The following GPM6A variants were observed in gnomAD, a reference collection of about 807,000 sequenced individuals.
GPM6A encodes glycoprotein M6A, also known as neuronal membrane glycoprotein M6-a.
In GPM6A, 7 loss-of-function variants were observed where a neutral mutation model predicts 32.1. That is an observed-to-expected ratio of 0.22 (90% CI 0.12 to 0.41). The LOEUF is 0.41. Ranked by LOEUF, GPM6A falls within the 10% of genes least tolerant of loss-of-function variation. The probability of loss-of-function intolerance (pLI) is 1.00; values close to 1 mark genes in which losing one functional copy is unlikely to be tolerated. For missense variants in GPM6A, 235 were observed against 347.2 expected, an observed-to-expected ratio of 0.68 and a Z score of 2.57; for synonymous variants, 130 against 123.4, an observed-to-expected ratio of 1.05 and a Z score of -0.35.
At chr4:175,647,124 T>G (rs1223094320) in intron 4 of GPM6A, among the ~76,000 whole-genome samples, 1 of 152,252 alleles carries the variant, frequency 6.6e-6, no homozygotes, top group Non-Finnish European at 1.5e-5. Context: ...AAAAACAAGC[T>G]GCTCTCGCTA....
At position 175,852,279 on chromosome 4, in the gene GPM6A, G is replaced by GA. The variant is rs145123904; in HGVS notation, c.-22-40031dup. 5.1e-4 allele frequency among the ~76,000 whole-genome samples: 77 copies of GA among 149,660 alleles called. 1 individual carries two copies. Among genetic ancestry groups the GA allele is most frequent in the Admixed American group, 9.3e-4 (14 of 15,086 alleles). On this transcript the variant is annotated intron_variant, in intron 1 of 7. Transcript: ENST00000280187. ...AAAATATTGAGAGTAAAGAGAATAA[G>GA]AAAAAAAAAGGAAATTTTGGAAGGC...
intron 1 of GPM6A, among the ~76,000 whole-genome samples, chr4:175,778,126 T>G (rs931350086): frequency 7.2e-5 from 11 of 152,164 alleles, no homozygotes; most frequent in African/African-American, 2.4e-4. Context: ...GAGTAGAACT[T>G]GAAGACCACT....
intron 1 of GPM6A, among the ~76,000 whole-genome samples, chr4:175,732,310 C>CAT (rs1731469243): frequency 6.6e-6 from 1 of 152,128 alleles, no homozygotes; most frequent in East Asian, 1.9e-4. Flanking sequence ...CAGTAGCACA[C>CAT]ATTTTTCTGA....
At chr4:175,670,016 A>AT (rs56677237) in intron 3 of GPM6A, among the ~76,000 whole-genome samples, 31 of 151,940 alleles carry the variant, frequency 2.0e-4, no homozygotes, top group Non-Finnish European at 8.8e-5. Context: ...AAAAAAAAAA[A>AT]TCAACCCGGT....
intron 1 of GPM6A, among the ~76,000 whole-genome samples, chr4:175,752,349 A>G (rs529492631): frequency 3.3e-5 from 5 of 152,246 alleles, no homozygotes; most frequent in African/African-American, 9.6e-5. Context: ...GGTGGACAGC[A>G]CACTAAACAG....
At chr4:175,981,011 T>A (rs892295307) in intron 1 of GPM6A, among the ~76,000 whole-genome samples, 2 of 152,300 alleles carry the variant, frequency 1.3e-5, no homozygotes, top group Admixed American at 1.3e-4. Context: ...GTACATTGTA[T>A]GAAACTGAAG....
intron 1 of GPM6A, among the ~76,000 whole-genome samples, chr4:175,908,530 A>T (rs1738202642): frequency 6.6e-6 from 1 of 151,354 alleles, no homozygotes; most frequent in Non-Finnish European, 1.5e-5. Context: ...TTCCAAAGTT[A>T]AAAAAAAAGA....
At chr4:175,725,322 T>G in intron 1 of GPM6A, among the ~76,000 whole-genome samples, 1 of 150,792 alleles carries the variant, frequency 6.6e-6, no homozygotes, top group East Asian at 1.9e-4. Flanking sequence ...AACAGAGTCT[T>G]GCTCTGTCAC....
intron 1 of GPM6A, among the ~76,000 whole-genome samples, chr4:175,959,743 T>C (rs531034096): frequency 6.6e-6 from 1 of 152,164 alleles, no homozygotes; most frequent in Non-Finnish European, 1.5e-5. Context: ...ATGAAATTAG[T>C]AGAGTGAAAG....
chr4:175,992,163 A>G (rs1741170664), intron 1 of GPM6A, among the ~76,000 whole-genome samples: 1 of 152,110 alleles, frequency 6.6e-6, no homozygotes. Context: ...GTTAAAATTT[A>G]TCAACTAGTT....
intron 1 of GPM6A, among the ~76,000 whole-genome samples, chr4:175,858,650 T>C (rs1406732343): frequency 2.0e-5 from 3 of 152,090 alleles, no homozygotes; most frequent in African/African-American, 7.2e-5. Flanking sequence ...AAAGAAACTT[T>C]GGAAAACATT....
At chr4:175,880,537 T>C (rs924853528) in intron 1 of GPM6A, among the ~76,000 whole-genome samples, 1 of 152,206 alleles carries the variant, frequency 6.6e-6, no homozygotes, top group African/African-American at 2.4e-5. Flanking sequence ...TGTTCTTCCA[T>C]TTGTTTGTGT....
At chr4:175,699,538 C>A (rs938748446) in intron 2 of GPM6A, among the ~76,000 whole-genome samples, 1 of 152,094 alleles carries the variant, frequency 6.6e-6, no homozygotes, top group South Asian at 2.1e-4. Flanking sequence ...TTTGTCATGA[C>A]CTTAGCGAAG....
chr4:175,897,095 G>A (rs1010356265), intron 1 of GPM6A, among the ~76,000 whole-genome samples: 8 of 152,096 alleles, frequency 5.3e-5, no homozygotes, highest in African/African-American at 1.2e-4. Context: ...ATGAATAGGG[G>A]ACAGAAGAGC....
chr4:175,787,230 C>T, intron 1 of GPM6A: 2 of 711,220 alleles, frequency 2.8e-6, no homozygotes, highest in South Asian at 1.6e-5. Context: ...CATCTTAAAG[C>T]TTTAATAATG....
intron 1 of GPM6A, among the ~76,000 whole-genome samples, chr4:175,832,635 A>C (rs923486102): frequency 1.3e-5 from 2 of 152,198 alleles, no homozygotes; most frequent in Non-Finnish European, 2.9e-5. Flanking sequence ...ATTGTCCTAG[A>C]AAATTTTCAC....
intron 2 of GPM6A, among the ~76,000 whole-genome samples, chr4:175,696,515 C>T (rs1744587560): frequency 1.3e-5 from 2 of 152,060 alleles, no homozygotes; most frequent in African/African-American, 2.4e-5. Context: ...TAATGAAATG[C>T]ACACTATTTA....
chr4:175,646,111 C>T (rs1249935518), intron 4 of GPM6A, among the ~76,000 whole-genome samples: 2 of 152,082 alleles, frequency 1.3e-5, no homozygotes, highest in African/African-American at 2.4e-5. Context: ...AATTCAGGCT[C>T]GTTACTTTCT....
intron 2 of GPM6A, among the ~76,000 whole-genome samples, chr4:175,680,293 C>T (rs563025721): frequency 1.6e-4 from 25 of 152,222 alleles, no homozygotes; most frequent in Non-Finnish European, 2.6e-4. Context: ...GATATTTGTA[C>T]GTCTTTCTTC....
Sources: gnomAD v4.1 joint callset for allele counts (sites outside exome capture counted in the v4.1 genomes callset) on GRCh38, gnomAD v4.1.1 for gene constraint, MANE v1.5 for transcripts, NCBI Gene and HGNC (gene_info 2026-07-23, HGNC 2026-07-21) for gene names.